ENOX2: variants seen among roughly 807,000 people sequenced by gnomAD.
The protein encoded by ENOX2 is APK1 antigen.
Under a neutral mutation model 45.0 loss-of-function variants are expected in ENOX2, and 36 were observed. The observed-to-expected ratio is 0.80, with a 90% confidence interval of 0.61 to 1.06. ENOX2 has a LOEUF of 1.06. Ranked by LOEUF, ENOX2 falls within the 50% of genes least tolerant of loss-of-function variation. The pLI is 0.00. For synonymous variants in ENOX2, 174 were observed against 152.3 expected (o/e 1.14, Z -1.05); for missense variants, 423 against 462.5 (o/e 0.91, Z 0.78).
chrX:130,838,155 C>T (rs2077957802), intron 2 of ENOX2, among the ~76,000 whole-genome samples: 3 of 111,676 alleles, frequency 2.7e-5, no homozygotes, highest in Admixed American at 9.5e-5. Flanking sequence ...CTGAAGTGGG[C>T]GGATCACTTG....
intron 2 of ENOX2, among the ~76,000 whole-genome samples, chrX:130,836,463 GA>G (rs371962181): frequency 3.2e-4 from 33 of 104,508 alleles, no homozygotes; most frequent in African/African-American, 4.8e-4. Context: ...TGAGTCTCCA[GA>G]AAAAAAAAAA....
At position 130,679,538 on chromosome X, in the gene ENOX2, C is replaced by T; in HGVS notation, c.460+4G>A. On this transcript the variant is annotated splice_donor_region_variant and intron_variant, in intron 6 of 14. Transcript: ENST00000394363. ...GGGCACAATCCTCACATCTAAACAC[C>T]TACCAGACAGATACAGGGCTTTGTC... 8.3e-7 allele frequency: 1 copy of T among 1,198,078 alleles called. No individual in the cohort carries two copies. The highest frequency in any genetic ancestry group is 1.1e-6 in the Non-Finnish European group (1 of 883,080).
intron 3 of ENOX2, among the ~76,000 whole-genome samples, chrX:130,761,043 T>C (rs2039478996): frequency 9.0e-6 from 1 of 110,650 alleles, no homozygotes; most frequent in Non-Finnish European, 1.9e-5. Flanking sequence ...TGTGTAATTC[T>C]TTCAATATAT....
At chrX:130,788,810 A>G (rs1226425576) in intron 2 of ENOX2, among the ~76,000 whole-genome samples, 2 of 112,279 alleles carry the variant, frequency 1.8e-5, no homozygotes, top group African/African-American at 6.5e-5. Context: ...CAAAATTTAC[A>G]GTTTGTCCAA....
At chrX:130,771,902 T>C (rs2039749678) in intron 3 of ENOX2, among the ~76,000 whole-genome samples, 1 of 112,110 alleles carries the variant, frequency 8.9e-6, no homozygotes, top group African/African-American at 3.2e-5. Flanking sequence ...AGAGTACTAA[T>C]AGGACCTTCT....
At chrX:130,818,821 T>C (rs1346971356) in intron 2 of ENOX2, among the ~76,000 whole-genome samples, 1 of 111,794 alleles carries the variant, frequency 8.9e-6, no homozygotes, top group Admixed American at 9.5e-5. Flanking sequence ...GGCAATACCA[T>C]TCATGACTAA....
At chrX:130,751,697 A>C (rs2039224791) in intron 3 of ENOX2, among the ~76,000 whole-genome samples, 2 of 112,098 alleles carry the variant, frequency 1.8e-5, no homozygotes, top group Non-Finnish European at 3.8e-5. Flanking sequence ...AAGGGTGCCA[A>C]TTTCTCCACA....
intron 3 of ENOX2, among the ~76,000 whole-genome samples, chrX:130,777,799 A>G (rs1458919156): frequency 2.7e-5 from 3 of 112,125 alleles, no homozygotes; most frequent in East Asian, 2.8e-4. Flanking sequence ...GATTTCTTCT[A>G]TCAGACCTGA....
At chrX:130,830,349 C>T (rs756583704) in intron 2 of ENOX2, among the ~76,000 whole-genome samples, 13 of 111,479 alleles carry the variant, frequency 1.2e-4, no homozygotes, top group Non-Finnish European at 2.5e-4. Context: ...TTTAAAGTGA[C>T]AATATCTTCA....
chrX:130,644,525 T>C (rs1569479360), intron 10 of ENOX2, among the ~76,000 whole-genome samples: 1 of 111,482 alleles, frequency 9.0e-6, no homozygotes, highest in Admixed American at 9.5e-5. Flanking sequence ...AAATAAACTA[T>C]GGTACATCCA....
At chrX:130,706,730 T>C (rs751587087) in intron 3 of ENOX2, among the ~76,000 whole-genome samples, 2 of 112,190 alleles carry the variant, frequency 1.8e-5, no homozygotes, top group Admixed American at 9.4e-5. Flanking sequence ...TGACACCCAT[T>C]GATTATTTGT....
intron 2 of ENOX2, among the ~76,000 whole-genome samples, chrX:130,814,744 C>T (rs1382825179): frequency 8.9e-6 from 1 of 111,761 alleles, no homozygotes; most frequent in Non-Finnish European, 1.9e-5. Flanking sequence ...ATCTGATGGT[C>T]ACCAACATCA....
At chrX:130,880,050 C>T (rs1003143784) in intron 2 of ENOX2, among the ~76,000 whole-genome samples, 1 of 111,780 alleles carries the variant, frequency 8.9e-6, no homozygotes, top group Admixed American at 9.5e-5. Context: ...GTTTTGAACT[C>T]CTCTAGGCAG....
At chrX:130,704,309 G>C (rs749252934) in intron 3 of ENOX2, among the ~76,000 whole-genome samples, 9 of 111,609 alleles carry the variant, frequency 8.1e-5, no homozygotes, top group Non-Finnish European at 1.5e-4. Flanking sequence ...GATTTATATA[G>C]AGCATGTCAT....
intron 3 of ENOX2, among the ~76,000 whole-genome samples, chrX:130,725,589 T>TA (rs1952601424): frequency 9.1e-6 from 1 of 109,995 alleles, no homozygotes; most frequent in African/African-American, 3.3e-5. Context: ...CACCTGCACA[T>TA]GTCTATTCAA....
chrX:130,877,185 T>C (rs933289367), intron 2 of ENOX2, among the ~76,000 whole-genome samples: 1 of 112,012 alleles, frequency 8.9e-6, no homozygotes, highest in African/African-American at 3.2e-5. Context: ...CCAATAGTCG[T>C]ATTATTATAC....
At chrX:130,719,582 C>G (rs2038422401) in intron 3 of ENOX2, among the ~76,000 whole-genome samples, 1 of 112,279 alleles carries the variant, frequency 8.9e-6, no homozygotes, top group African/African-American at 3.2e-5. Context: ...CAGGCAAACC[C>G]CACATGGCCT....
chrX:130,741,800 G>T (rs1207496148), intron 3 of ENOX2, among the ~76,000 whole-genome samples: 1 of 111,392 alleles, frequency 9.0e-6, no homozygotes, highest in African/African-American at 3.3e-5. Flanking sequence ...TAATTAAAGG[G>T]GGAGAGACGG....
At chrX:130,709,246 C>A (rs147083326) in intron 3 of ENOX2, 1 of 1,204,016 alleles carries the variant, frequency 8.3e-7, no homozygotes, top group Non-Finnish European at 1.1e-6. Context: ...GGCTTACCTG[C>A]ATAGCCTATT....
Sources: allele counts gnomAD v4.1 joint callset (sites outside exome capture counted in the v4.1 genomes callset), GRCh38; gene constraint gnomAD v4.1.1; transcripts MANE v1.5; gene names NCBI Gene and HGNC (gene_info 2026-07-23, HGNC 2026-07-21).